TENM4: variants seen among roughly 807,000 people sequenced by gnomAD.
The protein encoded by TENM4 is teneurin-4.
In TENM4, 82 loss-of-function variants were observed where a neutral mutation model predicts 243.3. The observed-to-expected ratio is 0.34, with a 90% CI of 0.28 to 0.40. The LOEUF (loss-of-function observed/expected upper bound fraction) is 0.40. Ranked by LOEUF, TENM4 falls within the 10% of genes least tolerant of loss-of-function variation. The probability of loss-of-function intolerance (pLI) is 1.00; values close to 1 mark genes in which losing one functional copy is unlikely to be tolerated. For missense variants in TENM4, 3,138 were observed against 3,673.3 expected (o/e 0.85, Z 3.77); for synonymous variants, 1,412 against 1,456.3 (o/e 0.97, Z 0.69).
chr11:78,961,863 G>A (rs1187163286), intron 6 of TENM4, among the ~76,000 whole-genome samples: 2 of 149,620 alleles, frequency 1.3e-5, no homozygotes, highest in African/African-American at 4.9e-5. Flanking sequence ...TTTCCTTCTC[G>A]TGATGTCTGT....
intron 4 of TENM4, among the ~76,000 whole-genome samples, chr11:79,133,090 T>G (rs149063962): frequency 2.0e-5 from 3 of 152,160 alleles, no homozygotes; most frequent in African/African-American, 7.2e-5. Context: ...TAAAGAAAAC[T>G]GATAGACCTC....
At chr11:79,054,999 A>T (rs1408023178) in intron 6 of TENM4, among the ~76,000 whole-genome samples, 2 of 151,720 alleles carry the variant, frequency 1.3e-5, no homozygotes, top group Admixed American at 1.3e-4. Flanking sequence ...GTGGTGGCAG[A>T]ACCTGTAATC....
chr11:78,873,800 G>A (rs1859196328), intron 9 of TENM4, among the ~76,000 whole-genome samples: 1 of 152,094 alleles, frequency 6.6e-6, no homozygotes, highest in Admixed American at 6.6e-5. Flanking sequence ...AATGGTCTAC[G>A]CTACTTCTGC....
intron 19 of TENM4, chr11:78,756,435 T>C (rs796517754): frequency 4.2e-5 from 10 of 237,924 alleles, no homozygotes; most frequent in African/African-American, 2.3e-4. Flanking sequence ...GTCTTCTGGA[T>C]GTCTGCTTTG....
At chr11:79,192,974 C>T (rs1004627851) in intron 3 of TENM4, 1 of 151,004 alleles carries the variant, frequency 6.6e-6, no homozygotes, top group Non-Finnish European at 1.5e-5. Context: ...ACAGGAGTAG[C>T]TCAAGGAGCC....
At chr11:79,060,583 A>G (rs1252504076) in intron 6 of TENM4, among the ~76,000 whole-genome samples, 1 of 152,168 alleles carries the variant, frequency 6.6e-6, no homozygotes, top group Admixed American at 6.5e-5. Flanking sequence ...AGGATCTCTG[A>G]GAACTTGGTT....
chr11:79,089,301 G>C lies in TENM4; in HGVS notation c.-65-19292C>G, dbSNP rs115432859. ...GCTGGAAACTGGCCCTTTTTGCCTC[G>C]ACCTTCCCAAGTTGTGCCTGCTTTG... On this transcript the variant is annotated intron_variant, in intron 4 of 33. Coordinates refer to ENST00000278550, the MANE Select transcript of TENM4 (RefSeq NM_001098816.3). 3.4e-3 allele frequency among the ~76,000 whole-genome samples: 518 copies of C among 152,082 alleles called. 1 individual carries two copies. Among genetic ancestry groups the C allele is most frequent in the African/African-American group, 0.012 (497 of 41,500 alleles).
intron 3 of TENM4, among the ~76,000 whole-genome samples, chr11:79,158,420 G>A (rs1862668525): frequency 2.0e-5 from 3 of 152,142 alleles, no homozygotes. Flanking sequence ...ATAGCTACAA[G>A]GTCTCAACAA....
At chr11:78,797,317 A>T (rs185073353) in intron 15 of TENM4, among the ~76,000 whole-genome samples, 78 of 152,330 alleles carry the variant, frequency 5.1e-4, no homozygotes, top group African/African-American at 1.9e-3. Context: ...GCTCTGTAAA[A>T]TATAAAATTT....
intron 1 of TENM4, among the ~76,000 whole-genome samples, chr11:79,326,036 A>G (rs570783256): frequency 6.6e-6 from 1 of 152,340 alleles, no homozygotes; most frequent in South Asian, 2.1e-4. Flanking sequence ...CATGCCTATT[A>G]TTAACCACCA....
At chr11:79,062,510 T>C (rs1860128646) in intron 6 of TENM4, among the ~76,000 whole-genome samples, 1 of 152,170 alleles carries the variant, frequency 6.6e-6, no homozygotes, top group Non-Finnish European at 1.5e-5. Flanking sequence ...AATTTATCCA[T>C]TAGCATGCAC....
chr11:79,322,796 C>A (rs1342633870), intron 1 of TENM4, among the ~76,000 whole-genome samples: 5 of 152,162 alleles, frequency 3.3e-5, no homozygotes, highest in Non-Finnish European at 4.4e-5. Flanking sequence ...ATGTTTACTG[C>A]ATAAAAATAA....
At chr11:79,182,757 G>C (rs921615258) in intron 3 of TENM4, among the ~76,000 whole-genome samples, 3 of 152,044 alleles carry the variant, frequency 2.0e-5, no homozygotes, top group African/African-American at 7.2e-5. Flanking sequence ...TTGGGCAAAA[G>C]GTCTGAACAG....
chr11:78,687,616 T>C (rs1333151738), intron 29 of TENM4, among the ~76,000 whole-genome samples: 1 of 152,200 alleles, frequency 6.6e-6, no homozygotes, highest in Non-Finnish European at 1.5e-5. Context: ...AGGGTCTCTT[T>C]TCTATGAAAT....
At position 78,683,308 on chromosome 11, in the gene TENM4, A is replaced by G. The variant is rs1406372242; in HGVS notation, c.5260+4746T>C. Among the ~76,000 whole-genome samples, 222 of 72,006 alleles carry G rather than the reference A, an allele frequency of 3.1e-3. 77 individuals are homozygous for G. Among genetic ancestry groups the G allele is most frequent in the Non-Finnish European group, 5.2e-4 (17 of 32,874 alleles). The allele number at this position is 72,006 out of a possible 152,430, so 47.2% of individuals were successfully genotyped here. On this transcript the variant is annotated intron_variant, in intron 29 of 33. Transcript: ENST00000278550. ...CCTTGAGCTGTGGTGGGCTCCACCC[A>G]GTTCGAGCTTCGCGGCTGCTTTGTT...
intron 15 of TENM4, among the ~76,000 whole-genome samples, chr11:78,798,603 G>A (rs983856454): frequency 1.3e-5 from 2 of 152,280 alleles, no homozygotes; most frequent in South Asian, 2.1e-4. Flanking sequence ...AGCGGGCTCC[G>A]AGGTTTGGAT....
intron 4 of TENM4, among the ~76,000 whole-genome samples, chr11:79,087,056 G>A (rs1359345716): frequency 1.3e-5 from 2 of 151,812 alleles, no homozygotes; most frequent in Non-Finnish European, 2.9e-5. Context: ...TCTCTTGTTC[G>A]GCATAAAACC....
Position 78,729,522 on chromosome 11 carries a change from T to C in TENM4, c.3260A>G (p.Asn1087Ser), listed in dbSNP as rs765936751. 8.1e-6 allele frequency: 13 copies of C among 1,613,170 alleles called. No homozygotes were observed. The Admixed American group carries it at 2.2e-4, about 27-fold the overall frequency. The change falls in exon 22 of 34, where the codon AAC becomes AGC. Residue 1087 changes from asparagine (N) to serine (S), a missense_variant. Coordinates refer to ENST00000278550, the MANE Select transcript of TENM4 (RefSeq NM_001098816.3). The part of the protein sequence containing the change: ...ISLTHPTIPF[N>S]LMKVHLMVAV... ...TACCATGAGGTGCACCTTCATGAGG[T>C]TGAAGGGGATGGTCGGGTGGGTGAG...
chr11:78,665,171 CTT>C (rs1212143129), intron 32 of TENM4, among the ~76,000 whole-genome samples: 3 of 151,568 alleles, frequency 2.0e-5, no homozygotes, highest in East Asian at 1.9e-4. Flanking sequence ...CTTTCTTTCT[CTT>C]TCTTTTCTTT....
Sources: allele counts gnomAD v4.1 joint callset (sites outside exome capture counted in the v4.1 genomes callset), GRCh38; gene constraint gnomAD v4.1.1; transcripts MANE v1.5; gene names NCBI Gene and HGNC (gene_info 2026-07-23, HGNC 2026-07-21).